ITGA11: variants seen among roughly 807,000 people sequenced by gnomAD.
The protein encoded by ITGA11 is integrin alpha-11.
ITGA11 carries 97 observed loss-of-function variants against 141.9 expected under a neutral mutation model. That is an observed-to-expected ratio of 0.68 (90% confidence interval 0.58 to 0.81). ITGA11 has a LOEUF of 0.81. Among genes scored for constraint, ITGA11 ranks in the 30% least tolerant of loss-of-function variants. ITGA11 has a pLI of 0.00. For missense variants in ITGA11, 1,387 were observed against 1,559.2 expected (o/e 0.89, Z 1.86); for synonymous variants, 658 against 624.6 (o/e 1.05, Z -0.80).
At chr15:68,362,615 T>C (rs1196606092) in intron 4 of ITGA11, among the ~76,000 whole-genome samples, 2 of 151,944 alleles carry the variant, frequency 1.3e-5, no homozygotes, top group Non-Finnish European at 2.9e-5. Flanking sequence ...GAATGATGTA[T>C]AGATGGATGG....
intron 1 of ITGA11, among the ~76,000 whole-genome samples, chr15:68,418,824 C>T (rs1896951074): frequency 6.6e-6 from 1 of 151,524 alleles, no homozygotes; most frequent in South Asian, 2.1e-4. Context: ...TTGTCTCCTG[C>T]TTGTCATGGG....
intron 19 of ITGA11, among the ~76,000 whole-genome samples, chr15:68,320,778 T>C (rs1177261528): frequency 6.6e-6 from 1 of 152,252 alleles, no homozygotes; most frequent in Non-Finnish European, 1.5e-5. Context: ...ATGTGCTCCA[T>C]TATCCTTCTA....
chr15:68,342,085 G>A (rs1358098142), intron 10 of ITGA11, among the ~76,000 whole-genome samples: 1 of 152,200 alleles, frequency 6.6e-6, no homozygotes. Context: ...GCAAGCCTTA[G>A]TATGTCACAA....
At chr15:68,354,226 C>A (rs547375085) in intron 7 of ITGA11, among the ~76,000 whole-genome samples, 2 of 152,124 alleles carry the variant, frequency 1.3e-5, no homozygotes, top group Non-Finnish European at 2.9e-5. Context: ...CACGATGGCA[C>A]GGTATTTGTA....
chr15:68,313,722 T>A (rs1184985455), intron 23 of ITGA11, 57 bp downstream of exon 23: 7 of 1,379,626 alleles, frequency 5.1e-6, no homozygotes, highest in Non-Finnish European at 7.2e-6. Context: ...CCCTTAGGCC[T>A]CCCTCCTCCC....
intron 23 of ITGA11, among the ~76,000 whole-genome samples, 163 bp downstream of exon 23, chr15:68,313,616 G>A (rs1357539842): frequency 6.6e-6 from 1 of 152,090 alleles, no homozygotes; most frequent in African/African-American, 2.4e-5. Flanking sequence ...GGATGGGGGT[G>A]CTGCACTCTC....
intron 11 of ITGA11, chr15:68,336,195 CAG>C (rs1333596358): frequency 4.2e-5 from 12 of 283,124 alleles, no homozygotes; most frequent in Non-Finnish European, 6.7e-5. Flanking sequence ...GGGAGTAGGG[CAG>C]ACTCTAGCCT....
chr15:68,429,625 G>A (rs2140448039), intron 1 of ITGA11, among the ~76,000 whole-genome samples: 1 of 152,258 alleles, frequency 6.6e-6, no homozygotes, highest in East Asian at 1.9e-4. Context: ...AAGCTTCCTG[G>A]TAATCCTCAC....
At chr15:68,316,766 G>A (rs993527709) in intron 21 of ITGA11, among the ~76,000 whole-genome samples, 3 of 152,198 alleles carry the variant, frequency 2.0e-5, no homozygotes, top group South Asian at 2.1e-4. Flanking sequence ...ATGGCTGCCT[G>A]CTGCCCAGGG....
intron 1 of ITGA11, among the ~76,000 whole-genome samples, chr15:68,422,049 T>A (rs1897031217): frequency 6.6e-6 from 1 of 152,160 alleles, no homozygotes; most frequent in Non-Finnish European, 1.5e-5. Flanking sequence ...CGAATTTGAA[T>A]TCTCTTTAAG....
At chr15:68,373,291 A>G (rs1895644037) in intron 2 of ITGA11, among the ~76,000 whole-genome samples, 1 of 152,188 alleles carries the variant, frequency 6.6e-6, no homozygotes, top group Non-Finnish European at 1.5e-5. Flanking sequence ...GCACCAGAGT[A>G]GGGTGGTCCT....
Position 68,325,214 on chromosome 15 carries a change from T to A in ITGA11, c.2239A>T (p.Thr747Ser), listed in dbSNP as rs754479277. ...TCCAGGGAATACTCGACTGAGAAGG[T>A]CACTGGCTTCACGTAGTCAGCAGTG... The part of the protein sequence containing the change: ...LDTADYVKPV[T>S]FSVEYSLEDP... The change falls in exon 18 of 30, where the codon ACC becomes TCC. Residue 747 changes from threonine to serine, a missense_variant. Transcript: ENST00000315757. The surrounding 1 kb of genome is among the most constrained non-coding windows in gnomAD (Gnocchi z 5.5). The A allele has an allele frequency of 1.2e-6, 2 of 1,613,738 alleles. No individual in the cohort carries two copies. The highest frequency in any genetic ancestry group is 2.2e-5 in the South Asian group (2 of 91,066).
At chr15:68,311,195 G>T in intron 25 of ITGA11, 95 bp downstream of exon 25, 1 of 1,257,432 alleles carries the variant, frequency 8.0e-7, no homozygotes, top group Non-Finnish European at 1.1e-6. Flanking sequence ...CCTGGGAGAA[G>T]GGAGCTGGGG....
At chr15:68,399,576 G>T (rs11855998) in intron 2 of ITGA11, among the ~76,000 whole-genome samples, 1 of 152,044 alleles carries the variant, frequency 6.6e-6, no homozygotes, top group African/African-American at 2.4e-5. Flanking sequence ...ATTAATGGTG[G>T]ATTGGATAAA....
chr15:68,409,515 GTA>G (rs1896722140), intron 1 of ITGA11, among the ~76,000 whole-genome samples: 2 of 151,492 alleles, frequency 1.3e-5, no homozygotes, highest in African/African-American at 4.9e-5. Flanking sequence ...CTACCTATCA[GTA>G]CTACCTGATT....
chr15:68,371,799 C>T (rs947315627), intron 2 of ITGA11, among the ~76,000 whole-genome samples: 6 of 151,816 alleles, frequency 4.0e-5, no homozygotes, highest in African/African-American at 1.5e-4. Flanking sequence ...CTGGTGGCTT[C>T]CGAAAAGTCA....
chr15:68,328,126 G>A lies in ITGA11; in HGVS notation c.2038C>T (p.Leu680=). The change falls in exon 16 of 30, where the codon CTG becomes TTG. Residue 680 remains leucine (L), a synonymous_variant. Transcript: ENST00000315757. The surrounding 1 kb of genome is among the most constrained non-coding windows in gnomAD (Gnocchi z 4.8). ...AAFLCFTPIF[L]APHFQTTTVG... Reference sequence around the variant, plus strand: ...GTTGTTGTTTGGAAATGGGGTGCCAGGAAGATGGGCGTGAAGCAGAGGAAG... The same window carrying A: ...GTTGTTGTTTGGAAATGGGGTGCCAAGAAGATGGGCGTGAAGCAGAGGAAG... 5.0e-6 allele frequency: 8 copies of A among 1,613,890 alleles called. No individual in the cohort carries two copies. Among genetic ancestry groups the A allele is most frequent in the Non-Finnish European group, 6.8e-6 (8 of 1,179,888 alleles).
intron 1 of ITGA11, among the ~76,000 whole-genome samples, chr15:68,431,081 C>G (rs138394551): frequency 1.3e-5 from 2 of 152,232 alleles, no homozygotes; most frequent in Admixed American, 6.5e-5. Flanking sequence ...AGCACTTGGC[C>G]GTCTTCCGCA....
In ITGA11 at chr15:68,303,905, G is replaced by A. The variant is rs778203666; in HGVS notation, c.3382-20C>T. 1.8e-5 allele frequency: 28 copies of A among 1,534,242 alleles called. No individual in the cohort carries two copies. Among genetic ancestry groups the A allele is most frequent in the Admixed American group, 8.4e-5 (5 of 59,578 alleles). On this transcript the variant is annotated intron_variant, in intron 28 of 29. Transcript: ENST00000315757. The surrounding 1 kb of genome is among the most constrained non-coding windows in gnomAD (Gnocchi z 5.3). ...CACGATCTGCAAGGGGAGGGGGGCC[G>A]GGCCAACAGCATTACTCTTCTGGGG...
Sources: gnomAD v4.1 joint callset for allele counts (sites outside exome capture counted in the v4.1 genomes callset) on GRCh38, gnomAD v4.1.1 for gene constraint, Gnocchi (gnomAD v3.1) non-coding constraint, MANE v1.5 for transcripts, NCBI Gene and HGNC (gene_info 2026-07-23, HGNC 2026-07-21) for gene names.